Variants in ITGA11 observed in about 807,000 individuals in gnomAD.
The protein encoded by ITGA11 is integrin subunit alpha 11.
ITGA11 carries 97 observed loss-of-function variants against 141.9 expected under a neutral mutation model. That is an observed-to-expected ratio of 0.68 (90% CI 0.58 to 0.81). The LOEUF (loss-of-function observed/expected upper bound fraction) is 0.81. Ranked by LOEUF, ITGA11 falls within the 30% of genes least tolerant of loss-of-function variation. ITGA11 has a pLI of 0.00. For missense variants in ITGA11, 1,387 were observed against 1,559.2 expected, an observed-to-expected ratio of 0.89 and a Z score of 1.86; for synonymous variants, 658 against 624.6, an observed-to-expected ratio of 1.05 and a Z score of -0.80.
In ITGA11 at chr15:68,431,461, C is replaced by T. The variant is rs73436016; in HGVS notation, c.52+554G>A. ...GAGCTAGCCCCCGCCTACCGGCCAT[C>T]GCCCCGGGGCTTTGCTCTGTCTTTG... On this transcript the variant is annotated intron_variant, in intron 1 of 29. Transcript: ENST00000315757. Among the ~76,000 whole-genome samples, 426 of 152,338 alleles carry T rather than the reference C, an allele frequency of 2.8e-3. 1 individual carries two copies. Among genetic ancestry groups the T allele is most frequent in the African/African-American group, 9.8e-3 (408 of 41,586 alleles).
At chr15:68,428,410 G>C (rs1016571518) in intron 1 of ITGA11, among the ~76,000 whole-genome samples, 2 of 152,180 alleles carry the variant, frequency 1.3e-5, no homozygotes, top group Non-Finnish European at 2.9e-5. Flanking sequence ...ACAGCCCTGT[G>C]TGGATGGGCT....
At chr15:68,334,522 A>G (rs1894282400) in intron 12 of ITGA11, among the ~76,000 whole-genome samples, 2 of 152,322 alleles carry the variant, frequency 1.3e-5, no homozygotes, top group Admixed American at 6.5e-5. Flanking sequence ...AAGGATGAAA[A>G]GCTTTTAACT....
intron 1 of ITGA11, among the ~76,000 whole-genome samples, chr15:68,416,183 A>G (rs1462454111): frequency 1.3e-5 from 2 of 152,234 alleles, no homozygotes; most frequent in African/African-American, 2.4e-5. Flanking sequence ...CAAGTGACTT[A>G]TCACAACAGC....
At chr15:68,315,417 AT>A (rs1199120755) in intron 22 of ITGA11, among the ~76,000 whole-genome samples, 1 of 152,170 alleles carries the variant, frequency 6.6e-6, no homozygotes, top group Non-Finnish European at 1.5e-5. Context: ...TGACATTATT[AT>A]TTATCATCCA....
chr15:68,413,697 T>C (rs1896827705), intron 1 of ITGA11, among the ~76,000 whole-genome samples: 1 of 152,128 alleles, frequency 6.6e-6, no homozygotes, highest in African/African-American at 2.4e-5. Flanking sequence ...ACGGCACATG[T>C]CAGTGAGGTT....
chr15:68,423,935 G>C (rs1595901751), intron 1 of ITGA11, among the ~76,000 whole-genome samples: 2 of 152,230 alleles, frequency 1.3e-5, no homozygotes, highest in East Asian at 3.9e-4. Flanking sequence ...CACAGGGTTG[G>C]AATGACCCTA....
rs146691361 is a variant in ITGA11 at position 68,413,552 on chromosome 15, G to T, written c.53-10523C>A. Reference sequence around the variant, plus strand: ...CCAGGAGAAGTTTGGACTAGGGTGGGGTGATCTGAGTTCTAATCTCAGCTT... The same window carrying T: ...CCAGGAGAAGTTTGGACTAGGGTGGTGTGATCTGAGTTCTAATCTCAGCTT... On this transcript the variant is annotated intron_variant, in intron 1 of 29. Coordinates refer to ENST00000315757, the MANE Select transcript of ITGA11 (RefSeq NM_001004439.2). Among the ~76,000 whole-genome samples the T allele has an allele frequency of 3.0e-3, 458 of 152,262 alleles. 3 individuals carry two copies. The highest frequency in any genetic ancestry group is 0.011 in the African/African-American group (447 of 41,548).
intron 1 of ITGA11, among the ~76,000 whole-genome samples, chr15:68,409,703 TCTTA>T (rs1423478704): frequency 4.6e-5 from 7 of 152,100 alleles, no homozygotes; most frequent in Admixed American, 1.3e-4. Context: ...TGAACAAAGC[TCTTA>T]CTATGTACCA....
chr15:68,395,961 C>T (rs1896228099), intron 2 of ITGA11, among the ~76,000 whole-genome samples: 1 of 151,610 alleles, frequency 6.6e-6, no homozygotes, highest in African/African-American at 2.4e-5. Context: ...TTATCCTAAA[C>T]ATTTAAAGAA....
At position 68,356,853 on chromosome 15, in the gene ITGA11, C is replaced by T. The variant is rs555997273; in HGVS notation, c.749+298G>A. Among the ~76,000 whole-genome samples, 17 of 152,272 alleles carry T rather than the reference C, an allele frequency of 1.1e-4. No homozygotes were observed. The East Asian group carries it at 2.1e-3, about 19-fold the overall frequency. On this transcript the variant is annotated intron_variant, in intron 7 of 29. Transcript: ENST00000315757. The stretch of plus-strand genomic sequence containing the variant: ...ACAAGGAAATCAAGCCACATGGCTA[C>T]GTGTGGGTGCTCAGGTCACCAGTCC...
chr15:68,323,428 A>G (rs1412623197), intron 18 of ITGA11, among the ~76,000 whole-genome samples: 3 of 152,228 alleles, frequency 2.0e-5, no homozygotes, highest in Admixed American at 6.5e-5. Flanking sequence ...ATTTAATGTA[A>G]TAAGCAACTG....
Position 68,361,602 on chromosome 15 carries a change from G to C in ITGA11, c.460C>G (p.Pro154Ala). Residue 154 changes from proline (P) to alanine (A), a missense_variant, in exon 5 of 30, where the codon CCA (proline) becomes GCA (alanine). By Grantham distance (27) the Pro-to-Ala change is conservative. Transcript: ENST00000315757. ...TGAAGCCACTTACTTTGGAGAGCTG[G>C]GGCCACGGTCTTGGAGAACCTGAAG... ...SNFRFSKTVAPALQRCQTYMD... is the reference protein window; with the variant it reads ...SNFRFSKTVAAALQRCQTYMD... 6.2e-7 allele frequency: 1 copy of C among 1,604,520 alleles called. No homozygotes were observed. Among genetic ancestry groups the C allele is most frequent in the Non-Finnish European group, 8.5e-7 (1 of 1,175,316 alleles).
chr15:68,419,580 T>C (rs1346459651), intron 1 of ITGA11, among the ~76,000 whole-genome samples: 2 of 152,238 alleles, frequency 1.3e-5, no homozygotes, highest in East Asian at 1.9e-4. Flanking sequence ...TGTTGTCAAC[T>C]TCTTTCTCCT....
intron 1 of ITGA11, among the ~76,000 whole-genome samples, chr15:68,427,513 G>C (rs1449589138): frequency 6.6e-6 from 1 of 152,114 alleles, no homozygotes; most frequent in African/African-American, 2.4e-5. Flanking sequence ...CTTCAGTGAA[G>C]GAGGAAGTGA....
In ITGA11 at chr15:68,316,188, G is replaced by C. The variant is rs142365481; in HGVS notation, c.2716-461C>G. Among the ~76,000 whole-genome samples, 709 of 152,330 alleles carry C rather than the reference G, an allele frequency of 4.7e-3. 1 individual carries two copies. The highest frequency in any genetic ancestry group is 0.01 in the Middle Eastern group (3 of 294). On this transcript the variant is annotated intron_variant, in intron 21 of 29. Transcript: ENST00000315757. ...CCTCTTCTTTGTGTGTGGCAGGGAG[G>C]AGATGGCCCAGAGAGGGATGAGGGC...
intron 2 of ITGA11, 95 bp from the exon 3 acceptor site, chr15:68,369,379 GTGGGGA>G: frequency 1.6e-6 from 1 of 630,562 alleles, no homozygotes; most frequent in South Asian, 1.9e-5. Flanking sequence ...GTGAAGTTGG[GTGGGGA>G]GGGTGGGAGG....
intron 23 of ITGA11, 52 bp downstream of exon 23, chr15:68,313,727 C>A (rs1893473220): frequency 7.0e-7 from 1 of 1,431,634 alleles, no homozygotes; most frequent in South Asian, 1.2e-5. Context: ...AGGCCTCCCT[C>A]CTCCCATTCC....
chr15:68,377,018 C>A (rs1200216884), intron 2 of ITGA11, among the ~76,000 whole-genome samples: 1 of 152,178 alleles, frequency 6.6e-6, no homozygotes, highest in Non-Finnish European at 1.5e-5. Flanking sequence ...GCACTTCTAC[C>A]CTGGGAACTT....
At chr15:68,357,383 AGTTGTCTCT>A in intron 6 of ITGA11, 84 bp from the exon 7 acceptor site, 1 of 1,513,400 alleles carries the variant, frequency 6.6e-7, no homozygotes, top group Non-Finnish European at 8.9e-7. Flanking sequence ...GATCCCCGGG[AGTTGTCTCT>A]GTGTGATAAT....
Sources: gnomAD v4.1 joint callset for allele counts (sites outside exome capture counted in the v4.1 genomes callset) on GRCh38, gnomAD v4.1.1 for gene constraint, MANE v1.5 for transcripts, NCBI Gene and HGNC (gene_info 2026-07-23, HGNC 2026-07-21) for gene names.